LYZL2: variants seen among roughly 807,000 people sequenced by gnomAD.
LYZL2 encodes the protein lysozyme like 2.
LYZL2 carries 13 observed loss-of-function variants against 17.1 expected under a neutral mutation model. That is an observed-to-expected ratio of 0.76 (90% confidence interval 0.49 to 1.21). LYZL2 has a LOEUF of 1.21. Among genes scored for constraint, LYZL2 ranks in the 50% most tolerant of loss-of-function variants. The probability of loss-of-function intolerance (pLI) is 0.00; values close to 1 mark genes in which losing one functional copy is unlikely to be tolerated. For synonymous variants in LYZL2, 63 were observed against 74.4 expected, an observed-to-expected ratio of 0.85 and a Z score of 0.79; for missense variants, 166 against 189.2, an observed-to-expected ratio of 0.88 and a Z score of 0.72.
chr10:30,626,272 G>C lies in LYZL2; in HGVS notation c.140-9C>G, dbSNP rs1355864270. 2 of 1,612,452 alleles carry C rather than the reference G, an allele frequency of 1.2e-6. No individual in the cohort carries two copies. The highest frequency in any genetic ancestry group is 2.2e-5 in the East Asian group (1 of 44,870). ...ATACGCCATGCAGATCCCTGGAGGG[G>C]GGAAAGCCAGAAACGCCAGCAAAGG... On this transcript the variant is annotated splice_polypyrimidine_tract_variant and intron_variant, in intron 2 of 4. Transcript: ENST00000647634.
chr10:30,613,119 A>G (rs2814637), intron 3 of LYZL2, among the ~76,000 whole-genome samples: 124,519 of 152,230 alleles, frequency 0.82, 51,504 homozygotes, highest in Middle Eastern at 0.91. Flanking sequence ...ACTACCTGAC[A>G]TTTCAGAGGA....
chr10:30,608,987 GCAC>G, downstream of LYZL2, among the ~76,000 whole-genome samples: 1 of 152,074 alleles, frequency 6.6e-6, no homozygotes, highest in South Asian at 2.1e-4. Context: ...CTACAGGTGT[GCAC>G]CACCACACGC....
chr10:30,611,566 G>GAAAGAAAGAAA (rs1838436947), downstream of LYZL2, among the ~76,000 whole-genome samples: 27 of 63,190 alleles, frequency 4.3e-4, no homozygotes, highest in South Asian at 3.1e-3. Context: ...AAGGAAGGAA[G>GAAAGAAAGAAA]GAAGGAAAGA....
At chr10:30,628,092 T>G (rs928690451) in intron 1 of LYZL2, among the ~76,000 whole-genome samples, 21 of 151,834 alleles carry the variant, frequency 1.4e-4, no homozygotes, top group African/African-American at 1.9e-4. Flanking sequence ...CCCAGGAGGC[T>G]GAGCTTGCAG....
intron 3 of LYZL2, among the ~76,000 whole-genome samples, chr10:30,623,504 C>G (rs1412032045): frequency 1.3e-5 from 2 of 152,166 alleles, no homozygotes; most frequent in African/African-American, 4.8e-5. Context: ...AGACCCTCCC[C>G]ATCTCCCACA....
intron 1 of LYZL2, among the ~76,000 whole-genome samples, chr10:30,627,498 T>G (rs1319692967): frequency 2.6e-5 from 4 of 151,966 alleles, no homozygotes; most frequent in African/African-American, 9.7e-5. Flanking sequence ...TATAATATAA[T>G]AGTAAATATT....
downstream of LYZL2, among the ~76,000 whole-genome samples, chr10:30,608,163 C>T (rs767371521): frequency 2.0e-5 from 3 of 152,132 alleles, no homozygotes; most frequent in Non-Finnish European, 4.4e-5. Context: ...GGCTGGTCTC[C>T]AAATCCTGGG....
At chr10:30,613,880 C>T (rs1287643256) in intron 3 of LYZL2, among the ~76,000 whole-genome samples, 1 of 151,984 alleles carries the variant, frequency 6.6e-6, no homozygotes, top group African/African-American at 2.4e-5. Flanking sequence ...CACGCCTGAC[C>T]ATTTTTTATT....
Position 30,611,938 on chromosome 10 carries a change from C to T in LYZL2, c.*17G>A. On this transcript the variant is annotated 3_prime_UTR_variant, in exon 5 of 5. Transcript: ENST00000647634. The stretch of plus-strand genomic sequence containing the variant: ...CCCTAGGGCGTTGCTGCAAAGCATC[C>T]TGGGTCCAGTTCCAGTTTAGGAAAC... The T allele has an allele frequency of 6.2e-7, 1 of 1,614,196 alleles. No individual in the cohort carries two copies. Among genetic ancestry groups the T allele is most frequent in the Non-Finnish European group, 8.5e-7 (1 of 1,180,030 alleles).
rs138080049 is a variant in LYZL2, at chr10:30,629,674, G to T, written c.-107C>A. ...GGAAGAAACACTGCTCCACTTAGTC[G>T]GTGACAGGCAGCTCAGGGGAGCGTC... On this transcript the variant is annotated 5_prime_UTR_variant, in exon 1 of 5. Transcript: ENST00000647634. 7 of 1,613,930 alleles carry T rather than the reference G, an allele frequency of 4.3e-6. No homozygotes were observed. Among genetic ancestry groups the T allele is most frequent in the Non-Finnish European group, 4.2e-6 (5 of 1,179,826 alleles).
intron 3 of LYZL2, among the ~76,000 whole-genome samples, chr10:30,616,031 TA>T (rs1173900480): frequency 5.3e-5 from 8 of 152,212 alleles, no homozygotes; most frequent in Admixed American, 4.6e-4. Flanking sequence ...ACCAGAAAAA[TA>T]ACCAAAAATA....
downstream of LYZL2, among the ~76,000 whole-genome samples, chr10:30,608,652 A>G (rs1341546639): frequency 6.6e-6 from 1 of 152,134 alleles, no homozygotes; most frequent in East Asian, 1.9e-4. Context: ...CCCCTTCCGT[A>G]TCTCAGGGAT....
At chr10:30,610,711 G>A (rs946336381), downstream of LYZL2, among the ~76,000 whole-genome samples, 1 of 152,126 alleles carries the variant, frequency 6.6e-6, no homozygotes, top group African/African-American at 2.4e-5. Context: ...GGGATTAAAA[G>A]CATGAGCCAC....
At chr10:30,608,465 G>A (rs537286380), downstream of LYZL2, among the ~76,000 whole-genome samples, 82 of 152,300 alleles carry the variant, frequency 5.4e-4, no homozygotes, top group Non-Finnish European at 1.0e-3. Flanking sequence ...TAGGGTTTGT[G>A]CCATATTTGA....
Position 30,612,476 on chromosome 10 carries a change from T to C in LYZL2, c.377+346A>G, listed in dbSNP as rs542911371. Among the ~76,000 whole-genome samples, 3 of 152,324 alleles carry C rather than the reference T, an allele frequency of 2.0e-5. No individual in the cohort carries two copies. In the East Asian group the frequency reaches 5.8e-4, roughly 29 times the overall value. ...TGTTGCCGTAACCTTCAAAATCTTA[T>C]CCAAATCTAGAGCAAACTCAAGCTT... On this transcript the variant is annotated intron_variant, in intron 4 of 4. Transcript: ENST00000647634.
At chr10:30,612,676 T>C in intron 4 of LYZL2, 146 bp downstream of exon 4, 1 of 632,972 alleles carries the variant, frequency 1.6e-6, no homozygotes, top group Non-Finnish European at 2.8e-6. Context: ...ACCCACACAC[T>C]GATGGAGGAG....
intron 3 of LYZL2, among the ~76,000 whole-genome samples, chr10:30,614,923 T>G (rs1193981876): frequency 6.6e-6 from 1 of 152,202 alleles, no homozygotes; most frequent in Non-Finnish European, 1.5e-5. Context: ...AAAATCTAAT[T>G]GCCTCATAAT....
At chr10:30,612,962 C>A (rs1838468618) in intron 3 of LYZL2, 62 bp from the exon 4 acceptor site, 4 of 1,270,372 alleles carry the variant, frequency 3.1e-6, no homozygotes, top group African/African-American at 1.5e-5. Context: ...GACCCCAACT[C>A]AAGTTTACTT....
At chr10:30,617,679 A>AAAAAAAG (rs1554785556) in intron 3 of LYZL2, among the ~76,000 whole-genome samples, 1 of 106,912 alleles carries the variant, frequency 9.4e-6, no homozygotes, top group East Asian at 2.6e-4. Flanking sequence ...TGTCTCAAAA[A>AAAAAAAG]AAAAAAAAAA....
Sources: allele counts gnomAD v4.1 joint callset (sites outside exome capture counted in the v4.1 genomes callset), GRCh38; gene constraint gnomAD v4.1.1; transcripts MANE v1.5; gene names NCBI Gene and HGNC (gene_info 2026-07-23, HGNC 2026-07-21).